TGFBR1: variants seen among roughly 807,000 people sequenced by gnomAD.
The protein encoded by TGFBR1 is transforming growth factor beta receptor 1, also known as TGF-beta receptor type-1.
A neutral mutation model predicts 55.1 loss-of-function variants in TGFBR1; 20 were observed. That is an observed-to-expected ratio of 0.36 (90% CI 0.26 to 0.53). The LOEUF is 0.53. TGFBR1 is among the 20% of genes least tolerant of loss of function. TGFBR1 has a pLI of 0.91. For synonymous variants in TGFBR1, 220 were observed against 214.8 expected (o/e 1.02, Z -0.21); for missense variants, 385 against 617.6 (o/e 0.62, Z 3.99).
rs2118707001 is a variant in TGFBR1, at chr9:99,137,858, G to T, written c.575-1G>T. 6.2e-7 allele frequency: 1 copy of T among 1,612,560 alleles called. No homozygotes were observed. Among genetic ancestry groups the T allele is most frequent in the South Asian group, 1.1e-5 (1 of 91,014 alleles). ...TGAGTACTATTTATTTTTACCTTTAGGTTTACCATTGCTTGTTCAGAGAAC... is the reference window on the plus strand; with the variant it reads ...TGAGTACTATTTATTTTTACCTTTATGTTTACCATTGCTTGTTCAGAGAAC... On this transcript the variant is annotated splice_acceptor_variant, in intron 3 of 8. Coordinates refer to ENST00000374994, the MANE Select transcript of TGFBR1 (RefSeq NM_004612.4). LOFTEE classifies it high-confidence loss of function.
Position 99,105,142 on chromosome 9 carries a change from T to A in TGFBR1, c.-64T>A. 1.9e-6 allele frequency: 2 copies of A among 1,060,478 alleles called. No homozygotes were observed. The highest frequency in any genetic ancestry group is 4.4e-5 in the South Asian group (1 of 22,548). The allele number at this position is 1,060,478 out of a possible 1,614,324, so 65.7% of individuals were successfully genotyped here. On this transcript the variant is annotated 5_prime_UTR_variant, in exon 1 of 9. Transcript: ENST00000374994. ...GCTAGGGAGGTGGGGCGAGGCGAGG[T>A]TTGCTGGGGTGAGGCAGCGGCGCGG...
chr9:99,105,448 G>A (rs1360729895), intron 1 of TGFBR1, 146 bp downstream of exon 1: 2 of 708,070 alleles, frequency 2.8e-6, no homozygotes, highest in Non-Finnish European at 3.5e-6. Flanking sequence ...TCGTGGCGCC[G>A]CGCGGCTCGG....
chr9:99,109,444 TC>T (rs1826502321), intron 1 of TGFBR1, among the ~76,000 whole-genome samples: 1 of 152,216 alleles, frequency 6.6e-6, no homozygotes, highest in Non-Finnish European at 1.5e-5. Flanking sequence ...TAAATCTTGT[TC>T]CTGTGAGGAG....
chr9:99,125,285 A>G (rs1827007646), intron 1 of TGFBR1, among the ~76,000 whole-genome samples: 1 of 152,212 alleles, frequency 6.6e-6, no homozygotes, highest in Admixed American at 6.5e-5. Context: ...CCTCAAATAC[A>G]GGCTTATAAG....
At position 99,127,127 on chromosome 9, in the gene TGFBR1, G is replaced by C. The variant is rs575268238; in HGVS notation, c.98-1728G>C. ...TAGTGTATTACAGCAAAACCATACAGTTAACATCAGCAAAAGCAAAAGGCA... is the reference window on the plus strand; with the variant it reads ...TAGTGTATTACAGCAAAACCATACACTTAACATCAGCAAAAGCAAAAGGCA... On this transcript the variant is annotated intron_variant, in intron 1 of 8. Coordinates refer to ENST00000374994, the MANE Select transcript of TGFBR1 (RefSeq NM_004612.4). 2.0e-5 allele frequency among the ~76,000 whole-genome samples: 3 copies of C among 152,298 alleles called. No homozygotes were observed. The East Asian group carries it at 5.8e-4, about 29-fold the overall frequency.
chr9:99,117,253 ATTT>A (rs34711337), intron 1 of TGFBR1, among the ~76,000 whole-genome samples: 10 of 135,446 alleles, frequency 7.4e-5, no homozygotes, highest in African/African-American at 8.2e-5. Context: ...ACGCCTGGCT[ATTT>A]TTTTTTTTTT....
intron 1 of TGFBR1, among the ~76,000 whole-genome samples, chr9:99,106,059 A>G (rs573747193): frequency 9.8e-5 from 15 of 152,336 alleles, no homozygotes; most frequent in African/African-American, 3.6e-4. Flanking sequence ...ACGGCTACGG[A>G]TTGTTTTCAT....
intron 1 of TGFBR1, among the ~76,000 whole-genome samples, chr9:99,124,666 A>G (rs1052039315): frequency 6.6e-6 from 1 of 152,180 alleles, no homozygotes; most frequent in African/African-American, 2.4e-5. Context: ...TTGCCGTATC[A>G]CATAACAGCA....
At chr9:99,128,428 C>A (rs1827103079) in intron 1 of TGFBR1, among the ~76,000 whole-genome samples, 1 of 138,512 alleles carries the variant, frequency 7.2e-6, no homozygotes, top group Non-Finnish European at 1.5e-5. Context: ...TGTTTTCACA[C>A]ATTGCTTCTC....
chr9:99,113,902 CCTT>C (rs957627895), intron 1 of TGFBR1, among the ~76,000 whole-genome samples: 2 of 152,158 alleles, frequency 1.3e-5, no homozygotes, highest in Non-Finnish European at 2.9e-5. Flanking sequence ...GGCTAGATAA[CCTT>C]CTGTCTGAGA....
intron 6 of TGFBR1, among the ~76,000 whole-genome samples, chr9:99,145,549 A>C (rs1588594126): frequency 6.6e-6 from 1 of 152,228 alleles, no homozygotes; most frequent in Non-Finnish European, 1.5e-5. Context: ...CACAGTGCCT[A>C]ATACATGGTA....
intron 5 of TGFBR1, among the ~76,000 whole-genome samples, chr9:99,143,292 C>T (rs1313522823): frequency 6.6e-6 from 1 of 152,032 alleles, no homozygotes; most frequent in African/African-American, 2.4e-5. Context: ...AATTCAGGTC[C>T]AACTGAATAT....
chr9:99,110,293 G>A (rs1200096760), intron 1 of TGFBR1, among the ~76,000 whole-genome samples: 3 of 152,032 alleles, frequency 2.0e-5, no homozygotes. Context: ...TTTCTTGAAG[G>A]GTTGCAAGAA....
At chr9:99,130,624 A>G (rs777561361) in intron 2 of TGFBR1, among the ~76,000 whole-genome samples, 9 of 152,228 alleles carry the variant, frequency 5.9e-5, no homozygotes, top group Non-Finnish European at 1.3e-4. Flanking sequence ...TCATGTTTCT[A>G]ATGAACATAT....
rs886063244 is a variant in TGFBR1 at position 99,151,938 on chromosome 9, ATCT to A, written c.*2637_*2639del. On this transcript the variant is annotated 3_prime_UTR_variant, in exon 9 of 9. Coordinates refer to ENST00000374994, the MANE Select transcript of TGFBR1 (RefSeq NM_004612.4). ...TTCCAAGATTCAACGTGGCTAAAAC[ATCT>A]TCTGGTAAATTGTGCGTCCATATTC... is the stretch of plus-strand genomic sequence containing the variant. 1.5e-4 allele frequency: 30 copies of A among 200,080 alleles called. No individual in the cohort carries two copies. The highest frequency in any genetic ancestry group is 3.8e-4 in the East Asian group (5 of 12,992). 12.4% of individuals were successfully genotyped at this position (200,080 alleles called of 1,614,324 possible). A position where few individuals can be genotyped will look rare whatever the true frequency, so the allele number is the denominator to read the frequency against.
chr9:99,146,944 G>A (rs1236356068), intron 7 of TGFBR1, among the ~76,000 whole-genome samples: 1 of 152,094 alleles, frequency 6.6e-6, no homozygotes, highest in East Asian at 1.9e-4. Flanking sequence ...ATGTACCTGG[G>A]TGTCAAACTT....
Position 99,144,724 on chromosome 9 carries a change from T to A in TGFBR1, c.974-8T>A. 1.2e-6 allele frequency: 2 copies of A among 1,613,576 alleles called. No homozygotes were observed. The highest frequency in any genetic ancestry group is 1.7e-6 in the Non-Finnish European group (2 of 1,179,766). On this transcript the variant is annotated splice_polypyrimidine_tract_variant and splice_region_variant and intron_variant, in intron 5 of 8. Coordinates refer to ENST00000374994, the MANE Select transcript of TGFBR1 (RefSeq NM_004612.4). Reference sequence around the variant, plus strand: ...TTAAGCAGTCATGTTTAATTTTTGATTCTTTAGGAAAGCCAGCCATTGCTC... The same window carrying A: ...TTAAGCAGTCATGTTTAATTTTTGAATCTTTAGGAAAGCCAGCCATTGCTC...
At chr9:99,147,497 G>T (rs181176569) in intron 7 of TGFBR1, among the ~76,000 whole-genome samples, 157 bp from the exon 8 acceptor site, 1 of 152,312 alleles carries the variant, frequency 6.6e-6, no homozygotes, top group East Asian at 1.9e-4. Flanking sequence ...GTGGCTTGTG[G>T]ATACAGATGT....
chr9:99,142,153 T>G (rs1042837259), intron 4 of TGFBR1, among the ~76,000 whole-genome samples: 6 of 152,154 alleles, frequency 3.9e-5, no homozygotes. Flanking sequence ...TCTCTGTTCC[T>G]TCCTTTTTTT....
Sources: gnomAD v4.1 joint callset for allele counts (sites outside exome capture counted in the v4.1 genomes callset) on GRCh38, gnomAD v4.1.1 for gene constraint, MANE v1.5 for transcripts, NCBI Gene and HGNC (gene_info 2026-07-23, HGNC 2026-07-21) for gene names.